EPHA8: variants seen among roughly 807,000 people sequenced by gnomAD.
EPHA8 encodes the protein ephrin type-A receptor 8.
A neutral mutation model predicts 103.6 loss-of-function variants in EPHA8; 58 were observed. The ratio of observed to expected loss-of-function variants is 0.56; its 90% CI spans 0.45 to 0.70. The LOEUF (loss-of-function observed/expected upper bound fraction) is 0.70, where lower values mean the gene tolerates loss of function less well. EPHA8 is among the 30% of genes least tolerant of loss of function. EPHA8 has a pLI of 0.00. For synonymous variants in EPHA8, 559 were observed against 572.5 expected (o/e 0.98, Z 0.34); for missense variants, 1,304 against 1,395.2 (o/e 0.93, Z 1.04).
At position 22,576,889 on chromosome 1, in the gene EPHA8, G is replaced by C. The variant is rs928786169; in HGVS notation, c.823+9G>C. 16 of 1,569,878 alleles carry C rather than the reference G, an allele frequency of 1.0e-5. No homozygotes were observed. The highest frequency in any genetic ancestry group is 2.3e-4 in the Middle Eastern group (1 of 4,328). On this transcript the variant is annotated intron_variant, in intron 3 of 16. Coordinates refer to ENST00000166244, the MANE Select transcript of EPHA8 (RefSeq NM_020526.5). This position sits in a 1 kb window ranked among gnomAD's most constrained non-coding sequence, Gnocchi z 4.8. ...GCGGGATGCCTGTGTGGGTGAGCGC[G>C]CCATGGCCTGGGCATGGGTCAGCCG... is the stretch of plus-strand genomic sequence containing the variant.
chr1:22,597,233 A>ACCCATC lies in EPHA8; in HGVS notation c.1766-76_1766-71dup. On this transcript the variant is annotated intron_variant, in intron 9 of 16. Coordinates refer to ENST00000166244, the MANE Select transcript of EPHA8 (RefSeq NM_020526.5). The surrounding 1 kb of genome is among the most constrained non-coding windows in gnomAD (Gnocchi z 4.6). ...AGAGACACCCCTCACCCCACCCCAG[A>ACCCATC]CCCATCCCAGGCCCAGGGAATGTCA... 1 of 1,234,390 alleles carries ACCCATC rather than the reference A, an allele frequency of 8.1e-7. No homozygotes were observed. Among genetic ancestry groups the ACCCATC allele is most frequent in the Non-Finnish European group, 1.1e-6 (1 of 880,576 alleles). 76.5% of individuals were successfully genotyped at this position (1,234,390 alleles called of 1,614,324 possible). A position where few individuals can be genotyped will look rare whatever the true frequency, so the allele number is the denominator to read the frequency against.
intron 3 of EPHA8, among the ~76,000 whole-genome samples, chr1:22,585,773 C>T (rs533718745): frequency 1.3e-5 from 2 of 152,278 alleles, no homozygotes; most frequent in South Asian, 4.1e-4. Context: ...GGGACAGTGA[C>T]AGTGTGGGCC....
intron 16 of EPHA8, 58 bp from the exon 17 acceptor site, chr1:22,601,569 G>A (rs1641735065): frequency 3.8e-6 from 6 of 1,585,930 alleles, no homozygotes; most frequent in Non-Finnish European, 5.1e-6. Flanking sequence ...GGCCCTGGCT[G>A]CGTGCGCGGC....
Position 22,589,247 on chromosome 1 carries a change from A to G in EPHA8, c.1315+41A>G. 6.2e-7 allele frequency: 1 copy of G among 1,614,042 alleles called. No individual in the cohort carries two copies. The highest frequency in any genetic ancestry group is 1.1e-5 in the South Asian group (1 of 91,078). ...CCGTCCCGCAGCGTCCTGGTCCCCC[A>G]GCTTCCCCTGCCTCAGACCCATCCA... On this transcript the variant is annotated intron_variant, in intron 5 of 16. Transcript: ENST00000166244. This position sits in a 1 kb window ranked among gnomAD's most constrained non-coding sequence, Gnocchi z 4.3.
At chr1:22,583,486 G>A (rs917886995) in intron 3 of EPHA8, among the ~76,000 whole-genome samples, 10 of 152,248 alleles carry the variant, frequency 6.6e-5, no homozygotes, top group Non-Finnish European at 1.2e-4. Context: ...AGGCTCCCCC[G>A]CCTGACTGCA....
chr1:22,578,278 A>C (rs1185570186), intron 3 of EPHA8, among the ~76,000 whole-genome samples: 1 of 137,358 alleles, frequency 7.3e-6, no homozygotes, highest in Non-Finnish European at 1.5e-5. Flanking sequence ...GCATGAGTGC[A>C]TGTGTACGTG....
At chr1:22,578,654 C>A (rs111203841) in intron 3 of EPHA8, among the ~76,000 whole-genome samples, 5,553 of 134,420 alleles carry the variant, frequency 0.041, 137 homozygotes, top group East Asian at 0.11. Flanking sequence ...TATGTGTGTG[C>A]ATGTGAGTGT....
chr1:22,598,245 T>C lies in EPHA8; in HGVS notation c.2178+33T>C, dbSNP rs1317831423. On this transcript the variant is annotated intron_variant, in intron 12 of 16. Coordinates refer to ENST00000166244, the MANE Select transcript of EPHA8 (RefSeq NM_020526.5). The surrounding 1 kb of genome is among the most constrained non-coding windows in gnomAD (Gnocchi z 5.1). ...TCCCACCCCTGCCTCTTGCATGGGC[T>C]TGGGGAGGGAGGTCCAGTCTGGGTG... is the stretch of plus-strand genomic sequence containing the variant. 1.9e-6 allele frequency: 3 copies of C among 1,604,218 alleles called. No homozygotes were observed. The highest frequency in any genetic ancestry group is 1.7e-5 in the Admixed American group (1 of 59,252).
chr1:22,586,427 G>T, intron 3 of EPHA8, 53 bp from the exon 4 acceptor site: 1 of 1,592,660 alleles, frequency 6.3e-7, no homozygotes, highest in Non-Finnish European at 8.6e-7. Context: ...CGGTCCCCAA[G>T]GCCAGCCAGG....
In EPHA8 at chr1:22,589,231, A is replaced by C. The variant is rs540588884; in HGVS notation, c.1315+25A>C. The C allele has an allele frequency of 6.2e-7, 1 of 1,613,992 alleles. No homozygotes were observed. The highest frequency in any genetic ancestry group is 1.3e-5 in the African/African-American group (1 of 75,060). On this transcript the variant is annotated intron_variant, in intron 5 of 16. Transcript: ENST00000166244. This position sits in a 1 kb window ranked among gnomAD's most constrained non-coding sequence, Gnocchi z 4.3. ...GGTAGGCGGAGAAACTCCGTCCCGCAGCGTCCTGGTCCCCCAGCTTCCCCT... is the reference window on the plus strand; with the variant it reads ...GGTAGGCGGAGAAACTCCGTCCCGCCGCGTCCTGGTCCCCCAGCTTCCCCT...
chr1:22,576,594 C>A lies in EPHA8; in HGVS notation c.537C>A (p.Arg179=). 1 of 1,614,080 alleles carries A rather than the reference C, an allele frequency of 6.2e-7. No homozygotes were observed. The highest frequency in any genetic ancestry group is 8.5e-7 in the Non-Finnish European group (1 of 1,180,040). Residue 179 remains arginine (R), a synonymous_variant, in exon 3 of 17, where the codon CGC becomes CGA. Transcript: ENST00000166244. This position sits in a 1 kb window ranked among gnomAD's most constrained non-coding sequence, Gnocchi z 4.8. The part of the protein sequence containing the change: ...EVRSVGPLSK[R]GFYLAFQDIG... ...GCAGTGTGGGTCCCCTCAGCAAGCG[C>A]GGCTTCTACCTGGCCTTCCAGGACA...
intron 2 of EPHA8, among the ~76,000 whole-genome samples, chr1:22,574,039 C>G (rs1463158515): frequency 6.6e-6 from 1 of 152,250 alleles, no homozygotes; most frequent in South Asian, 2.1e-4. Context: ...AGCGCAGTGG[C>G]ACAATCTCAG....
In EPHA8 at chr1:22,576,604, C is replaced by G. The variant is rs1370039670; in HGVS notation, c.547C>G (p.Leu183Val). The G allele has an allele frequency of 3.1e-6, 5 of 1,613,946 alleles. No individual in the cohort carries two copies. The highest frequency in any genetic ancestry group is 1.3e-5 in the African/African-American group (1 of 74,934). Residue 183 changes from leucine to valine, a missense_variant, in exon 3 of 17, where the codon CTG (leucine) becomes GTG (valine). Physicochemically the swap from Leu to Val is conservative, Grantham distance 32. Coordinates refer to ENST00000166244, the MANE Select transcript of EPHA8 (RefSeq NM_020526.5). The surrounding 1 kb of genome is among the most constrained non-coding windows in gnomAD (Gnocchi z 4.8). Reference sequence around the variant, plus strand: ...TCCCCTCAGCAAGCGCGGCTTCTACCTGGCCTTCCAGGACATAGGTGCCTG... The same window carrying G: ...TCCCCTCAGCAAGCGCGGCTTCTACGTGGCCTTCCAGGACATAGGTGCCTG... Reference protein sequence around the residue: ...VGPLSKRGFYLAFQDIGACLA... With the variant: ...VGPLSKRGFYVAFQDIGACLA...
rs776940252 is a variant in EPHA8, at chr1:22,597,378, C to A, written c.1832C>A (p.Ala611Glu). 1.2e-6 allele frequency: 2 copies of A among 1,613,328 alleles called. No homozygotes were observed. The highest frequency in any genetic ancestry group is 4.5e-5 in the East Asian group (2 of 44,874). The change falls in exon 10 of 17, where the codon GCG (alanine) becomes GAG (glutamate). Residue 611 changes from alanine (A) to glutamate (E), a missense_variant. Coordinates refer to ENST00000166244, the MANE Select transcript of EPHA8 (RefSeq NM_020526.5). The surrounding 1 kb of genome is among the most constrained non-coding windows in gnomAD (Gnocchi z 4.6). ...AAGCTCCCAGAGCCCCAGTTCTATG[C>A]GGAACCCCACACCTACGAGGAGCCA... ...PGKLPEPQFY[A>E]EPHTYEEPGR...
intron 5 of EPHA8, among the ~76,000 whole-genome samples, chr1:22,592,063 C>G (rs947699611): frequency 6.6e-6 from 1 of 152,196 alleles, no homozygotes. Flanking sequence ...GATAGGCACT[C>G]AGGAGTCCTA....
chr1:22,595,648 G>A, intron 8 of EPHA8, among the ~76,000 whole-genome samples: 1 of 152,144 alleles, frequency 6.6e-6, no homozygotes. Flanking sequence ...CATTTTGGAG[G>A]GAGGTGGAGA....
At chr1:22,592,333 CT>C (rs1194012023) in intron 5 of EPHA8, among the ~76,000 whole-genome samples, 1 of 152,198 alleles carries the variant, frequency 6.6e-6, no homozygotes, top group African/African-American at 2.4e-5. Flanking sequence ...TCCCCTCCCC[CT>C]GGCAAGTGGT....
chr1:22,585,050 T>TGTGTGTGCGCGC (rs71020436), intron 3 of EPHA8, among the ~76,000 whole-genome samples: 1 of 93,494 alleles, frequency 1.1e-5, no homozygotes, highest in African/African-American at 6.0e-5. Context: ...TGTGTGTGTG[T>TGTGTGTGCGCGC]GCGCACGCGT....
At position 22,598,224 on chromosome 1, in the gene EPHA8, AC is replaced by A. The variant is rs1641578507; in HGVS notation, c.2178+16del. 1.2e-6 allele frequency: 2 copies of A among 1,611,518 alleles called. No individual in the cohort carries two copies. The highest frequency in any genetic ancestry group is 4.5e-5 in the East Asian group (2 of 44,852). ...ACACCTTCCTGAGGGTGCGTGTCCC[AC>A]CCCTGCCTCTTGCATGGGCTTGGGG... On this transcript the variant is annotated intron_variant, in intron 12 of 16. Coordinates refer to ENST00000166244, the MANE Select transcript of EPHA8 (RefSeq NM_020526.5). The surrounding 1 kb of genome is among the most constrained non-coding windows in gnomAD (Gnocchi z 5.1).
Sources: allele counts gnomAD v4.1 joint callset (sites outside exome capture counted in the v4.1 genomes callset), GRCh38; gene constraint gnomAD v4.1.1; non-coding constraint Gnocchi (gnomAD v3.1); transcripts MANE v1.5; gene names NCBI Gene and HGNC (gene_info 2026-07-23, HGNC 2026-07-21).